Variants in PRKN observed in about 807,000 individuals in gnomAD.
PRKN encodes parkin RBR E3 ubiquitin protein ligase.
A neutral mutation model predicts 59.5 loss-of-function variants in PRKN; 56 were observed. The ratio of observed to expected loss-of-function variants is 0.94; its 90% CI spans 0.76 to 1.18. The LOEUF (loss-of-function observed/expected upper bound fraction) is 1.18, where lower values mean the gene tolerates loss of function less well. Ranked by LOEUF, PRKN falls within the 50% of genes most tolerant of loss-of-function variation. The pLI is 0.00. For synonymous variants in PRKN, 250 were observed against 222.1 expected (o/e 1.13, Z -1.12); for missense variants, 657 against 596.4 (o/e 1.10, Z -1.06).
intron 2 of PRKN, among the ~76,000 whole-genome samples, chr6:162,310,342 C>A (rs1370860916): frequency 6.6e-6 from 1 of 152,112 alleles, no homozygotes; most frequent in Non-Finnish European, 1.5e-5. Flanking sequence ...GGCCAGTTCC[C>A]CACCATAGCC....
intron 6 of PRKN, among the ~76,000 whole-genome samples, chr6:161,874,998 AATATATTATATAT>A (rs1794658765): frequency 1.1e-5 from 1 of 92,340 alleles, no homozygotes; most frequent in Non-Finnish European, 1.8e-5. Context: ...CTTTATATAT[AATATATTATATAT>A]TATATATAAA....
chr6:161,959,892 C>A lies in PRKN; in HGVS notation c.734+13410G>T, dbSNP rs56141589. The stretch of plus-strand genomic sequence containing the variant: ...TAAAGTCACAGTGATTGATCTGCCC[C>A]CAGTCAGACAATGAAATCGGTGGTG... On this transcript the variant is annotated intron_variant, in intron 6 of 11. Coordinates refer to ENST00000366898, the MANE Select transcript of PRKN (RefSeq NM_004562.3). Among the ~76,000 whole-genome samples, 1,171 of 152,236 alleles carry A rather than the reference C, an allele frequency of 7.7e-3. 15 individuals carry two copies. Among genetic ancestry groups the A allele is most frequent in the African/African-American group, 0.027 (1,141 of 41,540 alleles).
At chr6:161,512,956 A>G (rs536414717) in intron 9 of PRKN, among the ~76,000 whole-genome samples, 14 of 152,260 alleles carry the variant, frequency 9.2e-5, no homozygotes, top group African/African-American at 3.4e-4. Context: ...TAGGTGTAAG[A>G]ACTTTGGGAG....
Position 161,349,321 on chromosome 6 carries a change from T to G in PRKN, c.*778A>C, listed in dbSNP as rs1427729548. 2 of 228,930 alleles carry G rather than the reference T, an allele frequency of 8.7e-6. No individual in the cohort carries two copies. The highest frequency in any genetic ancestry group is 4.4e-5 in the African/African-American group (2 of 45,124). 14.2% of individuals were successfully genotyped at this position (228,930 alleles called of 1,614,324 possible). ...TGGTGATACTTTCAGAAAAACAATT[T>G]CTTTCTAAAGTTGCAAATCATGAAA... On this transcript the variant is annotated 3_prime_UTR_variant, in exon 12 of 12. Transcript: ENST00000366898. The surrounding 1 kb of genome is among the most constrained non-coding windows in gnomAD (Gnocchi z 5.5).
rs367997117 is a variant in PRKN, at chr6:161,551,033, AAAGAGGTCT to A, written c.934-2039_934-2031del. Among the ~76,000 whole-genome samples the A allele has an allele frequency of 3.9e-3, 594 of 152,264 alleles. 3 individuals carry two copies. Among genetic ancestry groups the A allele is most frequent in the African/African-American group, 0.013 (528 of 41,544 alleles). ...ATACACATACAGCACCTTTACCAGA[AAAGAGGTCT>A]AAGAGTTCGGATGGCAAACAAACTA... On this transcript the variant is annotated intron_variant, in intron 8 of 11. Transcript: ENST00000366898. This position sits in a 1 kb window ranked among gnomAD's most constrained non-coding sequence, Gnocchi z 5.2.
At chr6:161,679,673 C>T (rs1422064952) in intron 7 of PRKN, among the ~76,000 whole-genome samples, 4 of 86,272 alleles carry the variant, frequency 4.6e-5, no homozygotes, top group African/African-American at 1.4e-4. Context: ...ATAATAGAAC[C>T]ACCCCCCCCC....
chr6:161,351,951 T>C (rs1360339208), intron 11 of PRKN, among the ~76,000 whole-genome samples: 2 of 152,192 alleles, frequency 1.3e-5, no homozygotes, highest in South Asian at 2.1e-4. Flanking sequence ...CCCTCACTTG[T>C]TAAACATAGA....
chr6:162,569,948 A>G (rs1396373875), intron 1 of PRKN, among the ~76,000 whole-genome samples: 1 of 152,214 alleles, frequency 6.6e-6, no homozygotes, highest in Non-Finnish European at 1.5e-5. Context: ...CCCCCAAAAT[A>G]AAACCTCAGC....
intron 7 of PRKN, among the ~76,000 whole-genome samples, chr6:161,764,992 C>A (rs1017801466): frequency 1.3e-5 from 2 of 152,202 alleles, no homozygotes; most frequent in African/African-American, 4.8e-5. Flanking sequence ...TGCAAACACA[C>A]AATTCACAAT....
At chr6:162,669,569 C>T (rs763882108) in intron 1 of PRKN, among the ~76,000 whole-genome samples, 6 of 152,172 alleles carry the variant, frequency 3.9e-5, no homozygotes, top group Non-Finnish European at 8.8e-5. Flanking sequence ...AAGCCTCATA[C>T]ACAGTTTCCA....
intron 2 of PRKN, chr6:162,275,092 A>AG (rs1780573693): frequency 6.5e-6 from 1 of 152,734 alleles, no homozygotes; most frequent in African/African-American, 2.4e-5. Flanking sequence ...AAAAAAAAAA[A>AG]AAAAAAAAAA....
At chr6:162,235,810 G>A (rs1050126585) in intron 3 of PRKN, among the ~76,000 whole-genome samples, 2 of 147,776 alleles carry the variant, frequency 1.4e-5, no homozygotes, top group African/African-American at 5.0e-5. Context: ...CTCAAAGAAA[G>A]AAAGAAAGAA....
Position 161,379,087 on chromosome 6 carries a change from G to C in PRKN, c.1167+7707C>G, listed in dbSNP as rs909978088. ...AGGGGTAACTGACTCTCAGGAGCAG[G>C]CAGGGCTGCAGTTATAGAATGGGGT... On this transcript the variant is annotated intron_variant, in intron 10 of 11. Transcript: ENST00000366898. The surrounding 1 kb of genome is among the most constrained non-coding windows in gnomAD (Gnocchi z 4.9). 5.9e-5 allele frequency among the ~76,000 whole-genome samples: 9 copies of C among 152,326 alleles called. No homozygotes were observed. In the East Asian group the frequency reaches 1.7e-3, roughly 29 times the overall value.
At chr6:161,904,248 A>T (rs1778045711) in intron 6 of PRKN, among the ~76,000 whole-genome samples, 1 of 152,054 alleles carries the variant, frequency 6.6e-6, no homozygotes, top group Non-Finnish European at 1.5e-5. Context: ...TTGGGGGGAA[A>T]AAAATAGCCA....
intron 1 of PRKN, among the ~76,000 whole-genome samples, chr6:162,632,691 TCA>T (rs1777543423): frequency 6.6e-6 from 1 of 151,896 alleles, no homozygotes; most frequent in Non-Finnish European, 1.5e-5. Context: ...TAAAAAGAAC[TCA>T]CTTTTGTGTA....
intron 9 of PRKN, among the ~76,000 whole-genome samples, chr6:161,412,382 CA>C (rs2115006735): frequency 6.7e-6 from 1 of 150,044 alleles, no homozygotes; most frequent in African/African-American, 2.5e-5. Flanking sequence ...CTCATTCCTC[CA>C]CTCACTCACT....
At chr6:162,394,584 G>C (rs1787380164) in intron 2 of PRKN, among the ~76,000 whole-genome samples, 1 of 152,104 alleles carries the variant, frequency 6.6e-6, no homozygotes. Context: ...TAGATGAAAG[G>C]CTTCCCGGTA....
intron 6 of PRKN, among the ~76,000 whole-genome samples, chr6:161,968,887 G>T (rs1295682893): frequency 6.6e-6 from 1 of 152,162 alleles, no homozygotes; most frequent in African/African-American, 2.4e-5. Context: ...GAAAGCAATT[G>T]CTGAAACCAG....
At chr6:161,912,845 C>A (rs1447076073) in intron 6 of PRKN, among the ~76,000 whole-genome samples, 1 of 152,108 alleles carries the variant, frequency 6.6e-6, no homozygotes, top group Non-Finnish European at 1.5e-5. Flanking sequence ...ATTCATAACC[C>A]TCAGAATTTT....
Sources: gnomAD v4.1 joint callset for allele counts (sites outside exome capture counted in the v4.1 genomes callset) on GRCh38, gnomAD v4.1.1 for gene constraint, Gnocchi (gnomAD v3.1) non-coding constraint, MANE v1.5 for transcripts, NCBI Gene and HGNC (gene_info 2026-07-23, HGNC 2026-07-21) for gene names.